SLC43A2: variants seen among roughly 807,000 people sequenced by gnomAD.
SLC43A2 encodes large neutral amino acids transporter small subunit 4.
Under a neutral mutation model 63.2 loss-of-function variants are expected in SLC43A2, and 38 were observed. The ratio of observed to expected loss-of-function variants is 0.60; its 90% CI spans 0.46 to 0.79. The LOEUF (loss-of-function observed/expected upper bound fraction) is 0.79, where lower values mean the gene tolerates loss of function less well. Among genes scored for constraint, SLC43A2 ranks in the 30% least tolerant of loss-of-function variants. The pLI, the probability that SLC43A2 is intolerant of heterozygous loss-of-function variation, is 0.00. For missense variants in SLC43A2, 644 were observed against 756.2 expected (o/e 0.85, Z 1.74); for synonymous variants, 322 against 331.0 (o/e 0.97, Z 0.30).
intron 10 of SLC43A2, among the ~76,000 whole-genome samples, chr17:1,584,279 C>T (rs751162869): frequency 5.3e-5 from 8 of 152,178 alleles, no homozygotes; most frequent in Admixed American, 2.0e-4. Context: ...GATCCAAGAA[C>T]GGACCCCAGG....
At chr17:1,581,095 A>G (rs2076005148) in intron 11 of SLC43A2, among the ~76,000 whole-genome samples, 1 of 151,900 alleles carries the variant, frequency 6.6e-6, no homozygotes, top group African/African-American at 2.4e-5. Context: ...TCTTCTGTAC[A>G]CAGCCCTGCC....
intron 8 of SLC43A2, 147 bp from the exon 9 acceptor site, chr17:1,591,095 A>G: frequency 2.4e-6 from 3 of 1,244,506 alleles, no homozygotes; most frequent in Non-Finnish European, 2.2e-6. Context: ...CGGTGGGGTC[A>G]CCTCTTGGGT....
intron 11 of SLC43A2, among the ~76,000 whole-genome samples, chr17:1,581,867 G>T (rs752361740): frequency 6.6e-6 from 1 of 150,496 alleles, no homozygotes; most frequent in Admixed American, 6.6e-5. Flanking sequence ...GTGCAGTGGC[G>T]CAATCTCGGC....
Position 1,583,494 on chromosome 17 carries a change from C to T in SLC43A2, c.1218-158G>A. 2 of 1,282,524 alleles carry T rather than the reference C, an allele frequency of 1.6e-6. No homozygotes were observed. Among genetic ancestry groups the T allele is most frequent in the Non-Finnish European group, 2.1e-6 (2 of 951,096 alleles). The allele number at this position is 1,282,524 out of a possible 1,614,324, so 79.4% of individuals were successfully genotyped here. A position where few individuals can be genotyped will look rare whatever the true frequency, so the allele number is the denominator to read the frequency against. ...GGACTGTGTCGGGGCTGGACCAGCA[C>T]TACGGACACTCCCCGGCCCTTCTCA... On this transcript the variant is annotated intron_variant, in intron 10 of 13. Coordinates refer to ENST00000301335, the MANE Select transcript of SLC43A2 (RefSeq NM_152346.3). This position sits in a 1 kb window ranked among gnomAD's most constrained non-coding sequence, Gnocchi z 5.5.
chr17:1,624,882 C>T (rs1221539429), intron 2 of SLC43A2, among the ~76,000 whole-genome samples: 1 of 152,062 alleles, frequency 6.6e-6, no homozygotes, highest in African/African-American at 2.4e-5. Flanking sequence ...GGCAACAGAG[C>T]GAGACCCTGT....
intron 6 of SLC43A2, 40 bp from the exon 7 acceptor site, chr17:1,591,739 G>GGGGGGGGGGGGC: frequency 2.0e-6 from 1 of 512,308 alleles, no homozygotes; most frequent in Non-Finnish European, 3.9e-6. Context: ...GGGGGAGGGG[G>GGGGGGGGGGGGC]CAGAGTTAGC....
chr17:1,627,577 AGGATCAGAT>A, intron 2 of SLC43A2, 129 bp downstream of exon 2: 1 of 825,232 alleles, frequency 1.2e-6, no homozygotes, highest in Non-Finnish European at 1.8e-6. Flanking sequence ...GGGCTGGGTG[AGGATCAGAT>A]GGGCCTTCTG....
At chr17:1,580,069 G>A (rs1477436477) in intron 11 of SLC43A2, among the ~76,000 whole-genome samples, 3 of 152,166 alleles carry the variant, frequency 2.0e-5, no homozygotes, top group South Asian at 4.1e-4. Flanking sequence ...TGGGATTACA[G>A]GTGCATGCCA....
At position 1,573,077 on chromosome 17, in the gene SLC43A2, G is replaced by A. The variant is rs192928943; in HGVS notation, c.*2527C>T. 26 of 151,722 alleles carry A rather than the reference G, an allele frequency of 1.7e-4. No homozygotes were observed. The highest frequency in any genetic ancestry group is 4.6e-4 in the African/African-American group (19 of 41,344). 9.4% of individuals were successfully genotyped at this position (151,722 alleles called of 1,614,324 possible). On this transcript the variant is annotated 3_prime_UTR_variant, in exon 14 of 14. Coordinates refer to ENST00000301335, the MANE Select transcript of SLC43A2 (RefSeq NM_152346.3). ...TATAGTCCCAGATACTTAGGAGGCC[G>A]AGGTGGGAGGATCCCTTGAGCCCAT...
Position 1,605,263 on chromosome 17 carries a change from T to C in SLC43A2, c.501+7932A>G. On this transcript the variant is annotated intron_variant, in intron 5 of 13. Coordinates refer to ENST00000301335, the MANE Select transcript of SLC43A2 (RefSeq NM_152346.3). This position sits in a 1 kb window ranked among gnomAD's most constrained non-coding sequence, Gnocchi z 4.9. ...CTCTTTCAGCCCCCTGGCTGCAGCA[T>C]AAACAGGCCGGACTGTGTGACCTTC... is the stretch of plus-strand genomic sequence containing the variant. 5 of 1,069,868 alleles carry C rather than the reference T, an allele frequency of 4.7e-6. No individual in the cohort carries two copies. Among genetic ancestry groups the C allele is most frequent in the Non-Finnish European group, 5.7e-6 (5 of 876,932 alleles). 66.3% of individuals were successfully genotyped at this position (1,069,868 alleles called of 1,614,324 possible).
At chr17:1,586,930 C>CCCCCCCCCCCCCCCCCCCAA in intron 9 of SLC43A2, 1 of 783,192 alleles carries the variant, frequency 1.3e-6, no homozygotes, top group Non-Finnish European at 2.0e-6. Context: ...CCTGACAATC[C>CCCCCCCCCCCCCCCCCCCAA]CCCCCACCCC....
In SLC43A2 at chr17:1,583,753, C is replaced by T. The variant is rs1037278541; in HGVS notation, c.1218-417G>A. 1 of 186,422 alleles carries T rather than the reference C, an allele frequency of 5.4e-6. No individual in the cohort carries two copies. The highest frequency in any genetic ancestry group is 2.3e-5 in the African/African-American group (1 of 43,062). 11.5% of individuals were successfully genotyped at this position (186,422 alleles called of 1,614,324 possible). A position where few individuals can be genotyped will look rare whatever the true frequency, so the allele number is the denominator to read the frequency against. On this transcript the variant is annotated intron_variant, in intron 10 of 13. Coordinates refer to ENST00000301335, the MANE Select transcript of SLC43A2 (RefSeq NM_152346.3). This position sits in a 1 kb window ranked among gnomAD's most constrained non-coding sequence, Gnocchi z 5.5. ...GCCAAATAGGGGAGTGAATGGGTTT[C>T]CCCTTGTGGGGACAGGAGAGGGTAA... is the stretch of plus-strand genomic sequence containing the variant.
At chr17:1,615,488 A>G (rs1166712172) in intron 3 of SLC43A2, among the ~76,000 whole-genome samples, 2 of 151,536 alleles carry the variant, frequency 1.3e-5, no homozygotes, top group Admixed American at 1.3e-4. Flanking sequence ...ACTGCACTCC[A>G]GCTCCAGTTG....
intron 5 of SLC43A2, among the ~76,000 whole-genome samples, chr17:1,600,849 C>T (rs548602679): frequency 4.5e-4 from 68 of 151,212 alleles, no homozygotes; most frequent in Non-Finnish European, 7.4e-4. Context: ...TGAACCATTG[C>T]GCCCAGACTT....
rs1010280056 is a variant in SLC43A2, at chr17:1,613,271, G to T, written c.425C>A (p.Ala142Asp). ...GGCGATGAAGATGAGCACGGAGAGAGCTGCAGGGACATGGAAAGCTCGTGA... is the reference window on the plus strand; with the variant it reads ...GGCGATGAAGATGAGCACGGAGAGATCTGCAGGGACATGGAAAGCTCGTGA... ...LIAYGASKPN[A>D]LSVLIFIALA... Residue 142 changes from alanine to aspartate, a missense_variant and splice_region_variant, in exon 5 of 14, where the codon GCT becomes GAT. By Grantham distance (126) the Ala-to-Asp change is moderately radical. This residue lies in a region of SLC43A2 where 528 missense variants were observed against 623.6 expected (regional missense o/e 0.85). Coordinates refer to ENST00000301335, the MANE Select transcript of SLC43A2 (RefSeq NM_152346.3). 6.2e-7 allele frequency: 1 copy of T among 1,614,110 alleles called. No individual in the cohort carries two copies. Among genetic ancestry groups the T allele is most frequent in the South Asian group, 1.1e-5 (1 of 91,084 alleles).
At chr17:1,618,081 C>A (rs536904650) in intron 2 of SLC43A2, among the ~76,000 whole-genome samples, 1 of 152,184 alleles carries the variant, frequency 6.6e-6, no homozygotes, top group Admixed American at 6.5e-5. Context: ...GCTGTAGCGC[C>A]GAGGTTTGCA....
chr17:1,614,844 C>G, intron 4 of SLC43A2, 135 bp downstream of exon 4: 1 of 823,818 alleles, frequency 1.2e-6, no homozygotes, highest in Non-Finnish European at 2.0e-6. Flanking sequence ...TGAGTAGAGG[C>G]GTAACAGGTG....
rs956768032 is a variant in SLC43A2 at position 1,606,796 on chromosome 17, G to A, written c.501+6399C>T. Among the ~76,000 whole-genome samples the A allele has an allele frequency of 2.0e-4, 30 of 152,370 alleles. No homozygotes were observed. Among genetic ancestry groups the A allele is most frequent in the Non-Finnish European group, 4.1e-4 (28 of 68,026 alleles). ...GAGTGACCTGGCGTCCGCCCTCCAC[G>A]GATGGCACGCGATGGCCCAGGCCCT... On this transcript the variant is annotated intron_variant, in intron 5 of 13. Transcript: ENST00000301335. The surrounding 1 kb of genome is among the most constrained non-coding windows in gnomAD (Gnocchi z 4.7).
chr17:1,621,445 T>C (rs1017307732), intron 2 of SLC43A2, among the ~76,000 whole-genome samples: 15 of 152,080 alleles, frequency 9.9e-5, no homozygotes, highest in African/African-American at 3.6e-4. Context: ...CTCAAATCCT[T>C]AGTCTATCCG....
Sources: gnomAD v4.1 joint callset for allele counts (sites outside exome capture counted in the v4.1 genomes callset) on GRCh38, gnomAD v4.1.1 for gene constraint, gnomAD v4.1.1 regional missense constraint, Gnocchi (gnomAD v3.1) non-coding constraint, MANE v1.5 for transcripts, NCBI Gene and HGNC (gene_info 2026-07-23, HGNC 2026-07-21) for gene names.